Variants in NBEA observed in about 807,000 individuals in gnomAD.
The protein encoded by NBEA is lysosomal-trafficking regulator 2.
NBEA carries 44 observed loss-of-function variants against 343.4 expected under a neutral mutation model. The ratio of observed to expected loss-of-function variants is 0.13; its 90% CI spans 0.10 to 0.16. The LOEUF (loss-of-function observed/expected upper bound fraction) is 0.16. NBEA is among the 10% of genes least tolerant of loss of function. The pLI is 1.00. For missense variants in NBEA, 2,555 were observed against 3,631.3 expected, an observed-to-expected ratio of 0.70 and a Z score of 7.62; for synonymous variants, 1,175 against 1,238.7, an observed-to-expected ratio of 0.95 and a Z score of 1.08.
intron 1 of NBEA, among the ~76,000 whole-genome samples, chr13:34,947,266 T>C (rs1349739910): frequency 6.6e-6 from 1 of 152,150 alleles, no homozygotes; most frequent in Non-Finnish European, 1.5e-5. Flanking sequence ...GCAGCAAATA[T>C]TCTGTGGTCA....
intron 18 of NBEA, among the ~76,000 whole-genome samples, chr13:35,152,431 C>T (rs1047901899): frequency 1.3e-5 from 2 of 152,086 alleles, no homozygotes; most frequent in Non-Finnish European, 2.9e-5. Flanking sequence ...AATACAGTGG[C>T]AGTTAGATGC....
chr13:35,156,363 ATTC>A (rs1485871635), intron 20 of NBEA, among the ~76,000 whole-genome samples, 157 bp downstream of exon 20: 2 of 151,966 alleles, frequency 1.3e-5, no homozygotes, highest in East Asian at 1.9e-4. Flanking sequence ...TGTATTCGGT[ATTC>A]TTCTATTTAT....
intron 34 of NBEA, among the ~76,000 whole-genome samples, chr13:35,265,245 GA>G (rs1202839492): frequency 1.3e-5 from 2 of 151,762 alleles, no homozygotes; most frequent in African/African-American, 4.8e-5. Flanking sequence ...CACAAATAAT[GA>G]AAACCCATAT....
At chr13:35,478,770 C>G (rs1331197944) in intron 41 of NBEA, among the ~76,000 whole-genome samples, 2 of 152,250 alleles carry the variant, frequency 1.3e-5, no homozygotes, top group Non-Finnish European at 2.9e-5. Flanking sequence ...CCCTTGGGTT[C>G]AGGCCAGAGA....
At chr13:35,170,444 A>G (rs1471394288) in intron 25 of NBEA, among the ~76,000 whole-genome samples, 1 of 151,856 alleles carries the variant, frequency 6.6e-6, no homozygotes, top group East Asian at 1.9e-4. Context: ...GCCTAGTCCT[A>G]AGGAACAAAA....
chr13:35,410,205 C>A (rs2043500564), intron 38 of NBEA, among the ~76,000 whole-genome samples: 1 of 152,088 alleles, frequency 6.6e-6, no homozygotes, highest in Admixed American at 6.6e-5. Flanking sequence ...TCCTATCTTT[C>A]CTTCCATGTT....
At chr13:35,232,082 T>A (rs1179814199) in intron 33 of NBEA, among the ~76,000 whole-genome samples, 2 of 152,160 alleles carry the variant, frequency 1.3e-5, no homozygotes, top group African/African-American at 4.8e-5. Context: ...TTGTCCAGAT[T>A]TCAGGTAATA....
chr13:35,516,511 GA>G (rs1339130472), intron 41 of NBEA, among the ~76,000 whole-genome samples: 21 of 152,122 alleles, frequency 1.4e-4, no homozygotes, highest in Non-Finnish European at 2.8e-4. Context: ...TTGAGGAGCA[GA>G]AAATTAAATG....
At chr13:35,580,600 A>T (rs574999738) in intron 45 of NBEA, among the ~76,000 whole-genome samples, 2 of 152,208 alleles carry the variant, frequency 1.3e-5, no homozygotes, top group Admixed American at 1.3e-4. Context: ...AATGTCATCT[A>T]TGACAAAATT....
At chr13:35,075,692 TAATC>T (rs1230853602) in intron 10 of NBEA, among the ~76,000 whole-genome samples, 2 of 145,688 alleles carry the variant, frequency 1.4e-5, no homozygotes, top group African/African-American at 4.9e-5. Flanking sequence ...CCTTGCTAAT[TAATC>T]AAAGTTATTC....
At position 35,128,619 on chromosome 13, in the gene NBEA, A is replaced by G. The variant is rs561829137; in HGVS notation, c.2336+5045A>G. On this transcript the variant is annotated intron_variant, in intron 17 of 58. Transcript: ENST00000379939. ...AAGTTTAAAGGGTGCTCTGCCTGAC[A>G]CTACCTGCAGGGATCTCATCATTTA... is the stretch of plus-strand genomic sequence containing the variant. Among the ~76,000 whole-genome samples, 8 of 152,226 alleles carry G rather than the reference A, an allele frequency of 5.3e-5. No individual in the cohort carries two copies. The East Asian group carries it at 1.5e-3, about 29-fold the overall frequency.
chr13:35,643,327 T>C (rs2084060530), intron 49 of NBEA, among the ~76,000 whole-genome samples: 1 of 152,120 alleles, frequency 6.6e-6, no homozygotes, highest in Non-Finnish European at 1.5e-5. Flanking sequence ...CCATGTGCAC[T>C]GACACACTCA....
At chr13:35,129,785 G>T (rs1244420480) in intron 17 of NBEA, among the ~76,000 whole-genome samples, 1 of 151,988 alleles carries the variant, frequency 6.6e-6, no homozygotes, top group Non-Finnish European at 1.5e-5. Context: ...TCTAATCAGG[G>T]AAAATTAGTA....
Position 34,942,686 on chromosome 13 carries a change from A to C in NBEA, c.-135A>C. On this transcript the variant is annotated 5_prime_UTR_variant, in exon 1 of 59. Transcript: ENST00000379939. Reference sequence around the variant, plus strand: ...GGGCCGGGCTGAGGCGCAGGCGGGGAGCGGGCCCGGCGCCGCGGCGCTGGT... The same window carrying C: ...GGGCCGGGCTGAGGCGCAGGCGGGGCGCGGGCCCGGCGCCGCGGCGCTGGT... 1.5e-4 allele frequency: 77 copies of C among 523,934 alleles called. No homozygotes were observed. The highest frequency in any genetic ancestry group is 1.4e-4 in the Non-Finnish European group (51 of 355,814). The allele number at this position is 523,934 out of a possible 1,614,324, so 32.5% of individuals were successfully genotyped here. A position where few individuals can be genotyped will look rare whatever the true frequency, so the allele number is the denominator to read the frequency against.
At position 35,391,270 on chromosome 13, in the gene NBEA, A is replaced by G. The variant is rs576735842; in HGVS notation, c.6179+38947A>G. On this transcript the variant is annotated intron_variant, in intron 38 of 58. Transcript: ENST00000379939. ...AGCCTGGGTGACATAGCCAGACTTG[A>G]TCTCAAAAAAAAAAAAAAAGAAGAA... 2.0e-5 allele frequency among the ~76,000 whole-genome samples: 3 copies of G among 148,046 alleles called. No individual in the cohort carries two copies. The South Asian group carries it at 6.5e-4, about 32-fold the overall frequency.
chr13:35,304,185 T>G (rs1331532376), intron 35 of NBEA, among the ~76,000 whole-genome samples: 1 of 152,126 alleles, frequency 6.6e-6, no homozygotes, highest in Non-Finnish European at 1.5e-5. Flanking sequence ...TCTTCCTCTC[T>G]AATAGTGACT....
At chr13:35,075,145 G>A (rs2064057155) in intron 10 of NBEA, among the ~76,000 whole-genome samples, 1 of 152,114 alleles carries the variant, frequency 6.6e-6, no homozygotes, top group African/African-American at 2.4e-5. Flanking sequence ...CTGCAAGCCT[G>A]ACTCTAGAGC....
chr13:35,124,130 C>T (rs557072208), intron 17 of NBEA, among the ~76,000 whole-genome samples: 2 of 152,038 alleles, frequency 1.3e-5, no homozygotes, highest in African/African-American at 4.8e-5. Flanking sequence ...ATTCATGCTA[C>T]ACTATCCAGT....
intron 40 of NBEA, among the ~76,000 whole-genome samples, chr13:35,468,108 A>AC (rs1346379931): frequency 0.19 from 15,739 of 80,756 alleles, 1,671 homozygotes; most frequent in African/African-American, 0.26. Flanking sequence ...AATGATTTAC[A>AC]CCCCCCCCCC....
Sources: gnomAD v4.1 joint callset for allele counts (sites outside exome capture counted in the v4.1 genomes callset) on GRCh38, gnomAD v4.1.1 for gene constraint, MANE v1.5 for transcripts, NCBI Gene and HGNC (gene_info 2026-07-23, HGNC 2026-07-21) for gene names.